The following CALD1 variants were observed in gnomAD, a reference collection of about 807,000 sequenced individuals.
The protein encoded by CALD1 is caldesmon 1, also known as caldesmon.
In CALD1, 33 loss-of-function variants were observed where a neutral mutation model predicts 99.9. The ratio of observed to expected loss-of-function variants is 0.33; its 90% confidence interval spans 0.25 to 0.44. The LOEUF (loss-of-function observed/expected upper bound fraction) is 0.44. Among genes scored for constraint, CALD1 ranks in the 20% least tolerant of loss-of-function variants. The pLI is 1.00. For missense variants in CALD1, 861 were observed against 962.1 expected (o/e 0.89, Z 1.39); for synonymous variants, 310 against 325.0 (o/e 0.95, Z 0.50).
chr7:134,874,512 G>A (rs1297023237), intron 3 of CALD1, among the ~76,000 whole-genome samples: 2 of 152,190 alleles, frequency 1.3e-5, no homozygotes, highest in South Asian at 2.1e-4. Context: ...TTTTATCCAT[G>A]AGAAAATCTC....
chr7:134,936,501 T>A (rs1025893236), intron 6 of CALD1, among the ~76,000 whole-genome samples: 2 of 152,190 alleles, frequency 1.3e-5, no homozygotes, highest in Non-Finnish European at 2.9e-5. Flanking sequence ...ACAATACTTA[T>A]TAGGATGTGG....
At chr7:134,857,199 C>T (rs796647466) in intron 2 of CALD1, among the ~76,000 whole-genome samples, 2 of 120,082 alleles carry the variant, frequency 1.7e-5, no homozygotes, top group African/African-American at 3.2e-5. Flanking sequence ...GACAGAGTCT[C>T]GCTCTGTCAC....
intron 3 of CALD1, among the ~76,000 whole-genome samples, chr7:134,898,110 G>GT (rs1171548354): frequency 6.6e-6 from 1 of 152,018 alleles, no homozygotes. Flanking sequence ...TTTAAGAAAA[G>GT]TTTTTTTGGA....
intron 1 of CALD1, among the ~76,000 whole-genome samples, chr7:134,798,716 C>T (rs1357858676): frequency 6.6e-6 from 1 of 152,188 alleles, no homozygotes; most frequent in Non-Finnish European, 1.5e-5. Flanking sequence ...CCCCAATGAC[C>T]GTATTCCACA....
At position 134,941,222 on chromosome 7, in the gene CALD1, C is replaced by T; in HGVS notation, c.1517C>T (p.Thr506Ile). ...GEFMTHKLKH[T>I]ENTFSRPGGR... ...TTCATGACCCACAAACTTAAACATA[C>T]TGAGAATACTTTCAGGTAAGAAGTA... is the stretch of plus-strand genomic sequence containing the variant. Residue 506 changes from threonine to isoleucine, a missense_variant, in exon 7 of 15, where the codon ACT becomes ATT. Coordinates refer to ENST00000361675, the MANE Select transcript of CALD1 (RefSeq NM_033138.4). The T allele has an allele frequency of 6.2e-7, 1 of 1,601,236 alleles. No homozygotes were observed. The highest frequency in any genetic ancestry group is 8.5e-7 in the Non-Finnish European group (1 of 1,176,438).
intron 3 of CALD1, among the ~76,000 whole-genome samples, chr7:134,916,697 C>A (rs1192262149): frequency 6.6e-6 from 1 of 152,208 alleles, no homozygotes; most frequent in East Asian, 1.9e-4. Flanking sequence ...TTATAATCTC[C>A]ATTTAAGGAC....
At chr7:134,954,719 G>A (rs1255403658) in intron 9 of CALD1, among the ~76,000 whole-genome samples, 3 of 152,136 alleles carry the variant, frequency 2.0e-5, no homozygotes, top group Admixed American at 6.5e-5. Flanking sequence ...TCTCACCTCC[G>A]CTATCCCCTT....
intron 13 of CALD1, chr7:134,962,974 A>C (rs976761685): frequency 1.1e-5 from 5 of 455,296 alleles, no homozygotes; most frequent in Non-Finnish European, 2.2e-5. Context: ...TAAAATGCCA[A>C]CTTATAACTC....
chr7:134,855,543 C>G (rs1232172743), intron 2 of CALD1, among the ~76,000 whole-genome samples: 1 of 152,206 alleles, frequency 6.6e-6, no homozygotes, highest in Admixed American at 6.5e-5. Context: ...AAATAATACT[C>G]CAAATTCTGA....
rs774045593 is a variant in CALD1 at position 134,947,787 on chromosome 7, C to T, written c.1794+18C>T. 1.1e-5 allele frequency: 18 copies of T among 1,602,490 alleles called. No individual in the cohort carries two copies. Among genetic ancestry groups the T allele is most frequent in the Non-Finnish European group, 1.4e-5 (17 of 1,174,754 alleles). On this transcript the variant is annotated intron_variant, in intron 8 of 14. Coordinates refer to ENST00000361675, the MANE Select transcript of CALD1 (RefSeq NM_033138.4). ...GAGAGGAGGTAAGGCGGGCGCTAGC[C>T]CACTGAGAACGTTGCCCGGGAAAAT...
chr7:134,882,426 G>A (rs1801649226), intron 3 of CALD1, among the ~76,000 whole-genome samples: 1 of 152,158 alleles, frequency 6.6e-6, no homozygotes, highest in African/African-American at 2.4e-5. Context: ...CATTGTGGAG[G>A]CAAATGATAT....
At chr7:134,839,589 A>G (rs1799572531) in intron 1 of CALD1, among the ~76,000 whole-genome samples, 1 of 152,180 alleles carries the variant, frequency 6.6e-6, no homozygotes, top group Non-Finnish European at 1.5e-5. Context: ...AATTTTAGCT[A>G]TTCTAGTGGT....
chr7:134,770,461 G>A (rs1388722778), intron 1 of CALD1, among the ~76,000 whole-genome samples: 2 of 151,674 alleles, frequency 1.3e-5, no homozygotes, highest in African/African-American at 4.8e-5. Flanking sequence ...TGCACCCCAC[G>A]CCTCCCTTCC....
chr7:134,876,188 G>C (rs187972478), intron 3 of CALD1, among the ~76,000 whole-genome samples: 2 of 152,106 alleles, frequency 1.3e-5, no homozygotes, highest in African/African-American at 4.8e-5. Context: ...ATGAACCTCC[G>C]TCCGCAGACC....
chr7:134,878,188 G>T (rs1801436941), intron 3 of CALD1, among the ~76,000 whole-genome samples: 1 of 152,104 alleles, frequency 6.6e-6, no homozygotes, highest in African/African-American at 2.4e-5. Context: ...TGGGATCCAG[G>T]CATTCCAAAG....
intron 9 of CALD1, among the ~76,000 whole-genome samples, chr7:134,953,518 CAA>C (rs528906123): frequency 4.0e-5 from 5 of 124,192 alleles, no homozygotes; most frequent in Non-Finnish European, 1.7e-5. Context: ...AACTCCGTCT[CAA>C]AAAAAAAAAA....
In CALD1 at chr7:134,843,912, A is replaced by G. The variant is rs1166233471; in HGVS notation, c.-101A>G. On this transcript the variant is annotated 5_prime_UTR_variant, in exon 2 of 15. Transcript: ENST00000361675. ...TCATTGGAACATTTCAAGATCATCA[A>G]ATCAAATTCCACAGGGATTGGTGAC... The G allele has an allele frequency of 6.6e-6, 1 of 152,188 alleles. No individual in the cohort carries two copies. Among genetic ancestry groups the G allele is most frequent in the East Asian group, 1.9e-4 (1 of 5,192 alleles). 9.4% of individuals were successfully genotyped at this position (152,188 alleles called of 1,614,324 possible).
chr7:134,735,313 T>C, the CALD1 span, among the ~76,000 whole-genome samples: 1 of 152,216 alleles, frequency 6.6e-6, no homozygotes, highest in Non-Finnish European at 1.5e-5. Flanking sequence ...TGTAGATACA[T>C]TCATCTGTTT....
intron 3 of CALD1, among the ~76,000 whole-genome samples, chr7:134,883,374 T>C (rs1007426494): frequency 4.6e-5 from 7 of 152,218 alleles, no homozygotes; most frequent in African/African-American, 1.7e-4. Flanking sequence ...GTATCATCTA[T>C]TTTATCTTTT....
Sources: gnomAD v4.1 joint callset for allele counts (sites outside exome capture counted in the v4.1 genomes callset) on GRCh38, gnomAD v4.1.1 for gene constraint, MANE v1.5 for transcripts, NCBI Gene and HGNC (gene_info 2026-07-23, HGNC 2026-07-21) for gene names.